The following LAMA1 variants were observed in gnomAD, a reference collection of about 807,000 sequenced individuals.
LAMA1 encodes the protein laminin subunit alpha 1.
In LAMA1, 219 loss-of-function variants were observed where a neutral mutation model predicts 348.7. That is an observed-to-expected ratio of 0.63 (90% confidence interval 0.56 to 0.70). The LOEUF is 0.70. Ranked by LOEUF, LAMA1 falls within the 30% of genes least tolerant of loss-of-function variation. LAMA1 has a pLI of 0.00. For synonymous variants in LAMA1, 1,487 were observed against 1,491.0 expected (o/e 1.00, Z 0.06); for missense variants, 3,744 against 3,888.0 (o/e 0.96, Z 0.99).
At chr18:7,097,894 C>T (rs918071743) in intron 1 of LAMA1, among the ~76,000 whole-genome samples, 1 of 151,238 alleles carries the variant, frequency 6.6e-6, no homozygotes, top group Non-Finnish European at 1.5e-5. Context: ...TTTCCACGGT[C>T]TCCCTCTCAT....
Position 7,011,483 on chromosome 18 carries a change from A to T in LAMA1, c.3508-4T>A, listed in dbSNP as rs1182263630. On this transcript the variant is annotated splice_region_variant and splice_polypyrimidine_tract_variant and intron_variant, in intron 24 of 62. Transcript: ENST00000389658. ...GCTGATCGGAGCCCAGCGTTACCTA[A>T]ACCACGAAAGGAGGGGAAAGTGCAC... 7 of 1,599,738 alleles carry T rather than the reference A, an allele frequency of 4.4e-6. No individual in the cohort carries two copies. Among genetic ancestry groups the T allele is most frequent in the Non-Finnish European group, 6.0e-6 (7 of 1,173,482 alleles).
chr18:6,999,042 GT>G (rs112659240), intron 32 of LAMA1, among the ~76,000 whole-genome samples: 2 of 148,826 alleles, frequency 1.3e-5, no homozygotes, highest in African/African-American at 2.5e-5. Context: ...TTTTGTTTTT[GT>G]TTTTTTTTTA....
Position 7,065,967 on chromosome 18 carries a change from G to A in LAMA1, c.345+14008C>T, listed in dbSNP as rs114402040. Among the ~76,000 whole-genome samples the A allele has an allele frequency of 5.5e-3, 836 of 152,208 alleles. 11 individuals carry two copies. Among genetic ancestry groups the A allele is most frequent in the African/African-American group, 0.017 (706 of 41,530 alleles). The stretch of plus-strand genomic sequence containing the variant: ...AGACCACAGGTCTGAGGAGGTGCAC[G>A]GCATCAACAGGCAGCTGTCCCAGTC... On this transcript the variant is annotated intron_variant, in intron 3 of 62. Transcript: ENST00000389658.
chr18:7,034,332 T>C, intron 14 of LAMA1, 147 bp downstream of exon 14: 3 of 686,104 alleles, frequency 4.4e-6, no homozygotes, highest in Non-Finnish European at 7.7e-6. Flanking sequence ...ATTTATAAAC[T>C]TAATAATTCT....
chr18:6,998,729 A>G (rs1029297039), intron 32 of LAMA1, among the ~76,000 whole-genome samples: 3 of 152,166 alleles, frequency 2.0e-5, no homozygotes, highest in Non-Finnish European at 4.4e-5. Context: ...ACTGGAAAAA[A>G]AGTTTACAAA....
intron 3 of LAMA1, among the ~76,000 whole-genome samples, chr18:7,060,574 T>G (rs2058098477): frequency 6.6e-6 from 1 of 152,122 alleles, no homozygotes; most frequent in Non-Finnish European, 1.5e-5. Context: ...AATGCTCCCT[T>G]CAGAACCATG....
chr18:7,117,146 G>C (rs2058360364), intron 1 of LAMA1, among the ~76,000 whole-genome samples: 1 of 152,202 alleles, frequency 6.6e-6, no homozygotes, highest in African/African-American at 2.4e-5. Context: ...TGGCTGCCAG[G>C]GGCCCCGAGG....
At chr18:7,049,291 A>G in intron 4 of LAMA1, 34 bp from the exon 5 acceptor site, 1 of 1,531,070 alleles carries the variant, frequency 6.5e-7, no homozygotes, top group Non-Finnish European at 9.1e-7. Context: ...GATGAATGTC[A>G]ATTGTTTATT....
Position 7,117,747 on chromosome 18 carries a change from C to G in LAMA1, c.-27G>C. Reference sequence around the variant, plus strand: ...TCGCCTCCGCCGCCACTCGGTGGGTCTGGGGAGAAAGCCGCGCGCCCGCCT... The same window carrying G: ...TCGCCTCCGCCGCCACTCGGTGGGTGTGGGGAGAAAGCCGCGCGCCCGCCT... On this transcript the variant is annotated 5_prime_UTR_variant, in exon 1 of 63. Transcript: ENST00000389658. The G allele has an allele frequency of 6.3e-7, 1 of 1,590,696 alleles. No individual in the cohort carries two copies. The highest frequency in any genetic ancestry group is 8.5e-7 in the Non-Finnish European group (1 of 1,174,630).
intron 34 of LAMA1, among the ~76,000 whole-genome samples, chr18:6,994,672 G>GACAC (rs10534077): frequency 2.8e-4 from 41 of 148,578 alleles, no homozygotes; most frequent in Admixed American, 1.5e-3. Context: ...TCACAGTACA[G>GACAC]ACACACACAC....
At chr18:7,004,083 G>A (rs753802863) in intron 29 of LAMA1, among the ~76,000 whole-genome samples, 1 of 152,154 alleles carries the variant, frequency 6.6e-6, no homozygotes, top group African/African-American at 2.4e-5. Context: ...TCTGACTTAC[G>A]ACAGACTGTG....
chr18:6,941,859 G>T lies in LAMA1; in HGVS notation c.*220C>A. On this transcript the variant is annotated 3_prime_UTR_variant, in exon 63 of 63. Transcript: ENST00000389658. The stretch of plus-strand genomic sequence containing the variant: ...TGTATAAAGATTTTTTTAAAAATAC[G>T]TTTAAAAAGAGAGCCAGGGAATTCA... 1 of 554,922 alleles carries T rather than the reference G, an allele frequency of 1.8e-6. No homozygotes were observed. Among genetic ancestry groups the T allele is most frequent in the Non-Finnish European group, 3.2e-6 (1 of 311,810 alleles). 34.4% of individuals were successfully genotyped at this position (554,922 alleles called of 1,614,324 possible). A position where few individuals can be genotyped will look rare whatever the true frequency, so the allele number is the denominator to read the frequency against.
intron 46 of LAMA1, among the ~76,000 whole-genome samples, chr18:6,973,598 C>T (rs2057668201): frequency 6.6e-6 from 1 of 152,126 alleles, no homozygotes; most frequent in African/African-American, 2.4e-5. Context: ...AAGAATTTTG[C>T]TTTGTGCCTG....
intron 24 of LAMA1, 79 bp downstream of exon 24, chr18:7,011,916 T>G (rs2057862155): frequency 6.6e-7 from 1 of 1,505,070 alleles, no homozygotes; most frequent in Non-Finnish European, 9.0e-7. Flanking sequence ...ATGTGAACAC[T>G]TGGCTGTGTT....
intron 55 of LAMA1, chr18:6,957,256 T>A: frequency 5.5e-6 from 1 of 182,420 alleles, no homozygotes; most frequent in Non-Finnish European, 1.2e-5. Flanking sequence ...CCTGGCACTT[T>A]CCCGGGCACA....
intron 1 of LAMA1, among the ~76,000 whole-genome samples, chr18:7,085,018 T>C (rs776944283): frequency 6.6e-6 from 1 of 151,564 alleles, no homozygotes; most frequent in South Asian, 2.1e-4. Context: ...AAGTATGAGG[T>C]TTTTTTTCCA....
At chr18:6,975,070 C>T (rs1435646200) in intron 45 of LAMA1, 34 bp from the exon 46 acceptor site, 1 of 1,608,454 alleles carries the variant, frequency 6.2e-7, no homozygotes, top group Non-Finnish European at 8.5e-7. Flanking sequence ...GATCAGTTTA[C>T]ACACTGGACT....
At chr18:6,976,216 G>A in intron 44 of LAMA1, 136 bp from the exon 45 acceptor site, 1 of 794,074 alleles carries the variant, frequency 1.3e-6, no homozygotes, top group Non-Finnish European at 2.2e-6. Context: ...AATGGTTCAT[G>A]TTTCATGAAG....
chr18:6,959,404 T>G lies in LAMA1; in HGVS notation c.7715A>C (p.His2572Pro). The G allele has an allele frequency of 6.2e-7, 1 of 1,614,198 alleles. No individual in the cohort carries two copies. Among genetic ancestry groups the G allele is most frequent in the Non-Finnish European group, 8.5e-7 (1 of 1,180,042 alleles). ...ATCACTGCAGGTACCCGTGGGAGCGTGCAGGAGAGCTTTTCTCAGGCCTGT... is the reference window on the plus strand; with the variant it reads ...ATCACTGCAGGTACCCGTGGGAGCGGGCAGGAGAGCTTTTCTCAGGCCTGT... ...DGTGLRKALL[H>P]APTGTCSDGQ... The change falls in exon 54 of 63, where the codon CAC becomes CCC. Residue 2572 changes from histidine (H) to proline (P), a missense_variant. By Grantham distance (77) the His-to-Pro change is moderately conservative. This residue lies in a region of LAMA1 where 1,983 missense variants were observed against 1,934.3 expected (regional missense o/e 1.03). Transcript: ENST00000389658.
Sources: gnomAD v4.1 joint callset for allele counts (sites outside exome capture counted in the v4.1 genomes callset) on GRCh38, gnomAD v4.1.1 for gene constraint, gnomAD v4.1.1 regional missense constraint, MANE v1.5 for transcripts, NCBI Gene and HGNC (gene_info 2026-07-23, HGNC 2026-07-21) for gene names.